SMTNL2: variants seen among roughly 807,000 people sequenced by gnomAD.
The protein encoded by SMTNL2 is smoothelin-like protein 2.
SMTNL2 carries 43 observed loss-of-function variants against 44.1 expected under a neutral mutation model. The observed-to-expected ratio is 0.98, with a 90% CI of 0.76 to 1.26. The LOEUF is 1.26. Among genes scored for constraint, SMTNL2 ranks in the 50% most tolerant of loss-of-function variants. SMTNL2 has a pLI of 0.00. For missense variants in SMTNL2, 646 were observed against 670.2 expected (o/e 0.96, Z 0.40); for synonymous variants, 317 against 287.6 (o/e 1.10, Z -1.03).
In SMTNL2 at chr17:4,598,391, G is replaced by T. The variant is rs1220327660; in HGVS notation, c.1259+1068G>T. ...TCTCTGAAGCTCAGAGAGAAGTAAG[G>T]CCGTCCCCAAAGCCGAGTCTTCTGG... On this transcript the variant is annotated intron_variant, in intron 7 of 7. Coordinates refer to ENST00000389313, the MANE Select transcript of SMTNL2 (RefSeq NM_001114974.2). The surrounding 1 kb of genome is among the most constrained non-coding windows in gnomAD (Gnocchi z 4.8). 2.6e-5 allele frequency among the ~76,000 whole-genome samples: 4 copies of T among 152,146 alleles called. No individual in the cohort carries two copies. Among genetic ancestry groups the T allele is most frequent in the African/African-American group, 9.7e-5 (4 of 41,436 alleles).
intron 5 of SMTNL2, 87 bp from the exon 6 acceptor site, chr17:4,596,773 T>C: frequency 8.3e-7 from 1 of 1,210,614 alleles, no homozygotes; most frequent in Non-Finnish European, 1.1e-6. Context: ...TCCTTGGTGG[T>C]GCCAGGACAG....
rs1909965236 is a variant in SMTNL2, at chr17:4,600,004, T to TCGAGGG, written c.1259+2684_1259+2689dup. Among the ~76,000 whole-genome samples, 1 of 152,084 alleles carries TCGAGGG rather than the reference T, an allele frequency of 6.6e-6. No individual in the cohort carries two copies. Among genetic ancestry groups the TCGAGGG allele is most frequent in the Non-Finnish European group, 1.5e-5 (1 of 67,996 alleles). The stretch of plus-strand genomic sequence containing the variant: ...GATGAGTTCTTGCTTTTCTGCTGAC[T>TCGAGGG]CGAGGGCGTGGGGAGGGGCGTCCAC... On this transcript the variant is annotated intron_variant, in intron 7 of 7. Coordinates refer to ENST00000389313, the MANE Select transcript of SMTNL2 (RefSeq NM_001114974.2). The surrounding 1 kb of genome is among the most constrained non-coding windows in gnomAD (Gnocchi z 4.7).
Position 4,593,114 on chromosome 17 carries a change from G to A in SMTNL2, c.673G>A (p.Gly225Arg), listed in dbSNP as rs1328972841. 6.2e-7 allele frequency: 1 copy of A among 1,613,532 alleles called. No individual in the cohort carries two copies. The highest frequency in any genetic ancestry group is 1.3e-5 in the African/African-American group (1 of 74,926). ...ATCACCCATGTCTGCTGCCACCCTGGGGGGCCTCAACCCAAGCCCCAGCGA... is the reference window on the plus strand; with the variant it reads ...ATCACCCATGTCTGCTGCCACCCTGAGGGGCCTCAACCCAAGCCCCAGCGA... Reference protein sequence around the residue: ...ALSPMSAATLGGLNPSPSEVI... With the variant: ...ALSPMSAATLRGLNPSPSEVI... Residue 225 changes from glycine (G) to arginine (R), a missense_variant, in exon 3 of 8, where the codon GGG becomes AGG. Physicochemically the swap from Gly to Arg is moderately radical, Grantham distance 125. Transcript: ENST00000389313.
upstream of SMTNL2, chr17:4,584,442 C>T: frequency 1.4e-6 from 1 of 699,976 alleles, no homozygotes; most frequent in Non-Finnish European, 2.0e-6. Context: ...GGGGGTGTCC[C>T]GGAGTCGTCC....
At chr17:4,586,537 A>T (rs1043842486) in intron 1 of SMTNL2, among the ~76,000 whole-genome samples, 1 of 144,266 alleles carries the variant, frequency 6.9e-6, no homozygotes, top group South Asian at 2.2e-4. Flanking sequence ...AGAGAGAGAG[A>T]GAGGGAATTC....
Position 4,593,807 on chromosome 17 carries a change from C to G in SMTNL2, c.731-15C>G, listed in dbSNP as rs1472569844. Reference sequence around the variant, plus strand: ...GGGCCAGGGTTTGTTACTTCTCTCCCTCTCTCTTCCACAGAGAAGAATTCC... The same window carrying G: ...GGGCCAGGGTTTGTTACTTCTCTCCGTCTCTCTTCCACAGAGAAGAATTCC... On this transcript the variant is annotated splice_polypyrimidine_tract_variant and intron_variant, in intron 3 of 7. Transcript: ENST00000389313. 1 of 1,612,890 alleles carries G rather than the reference C, an allele frequency of 6.2e-7. No homozygotes were observed. Among genetic ancestry groups the G allele is most frequent in the Non-Finnish European group, 8.5e-7 (1 of 1,179,754 alleles).
At chr17:4,601,809 C>T (rs114839820) in intron 7 of SMTNL2, among the ~76,000 whole-genome samples, 4,227 of 152,056 alleles carry the variant, frequency 0.028, 209 homozygotes, top group African/African-American at 0.097. Context: ...CATGAACCAC[C>T]GCACTTGGCC....
rs147900729 is a variant in SMTNL2, at chr17:4,601,380, A to G, written c.1259+4057A>G. 2.6e-3 allele frequency among the ~76,000 whole-genome samples: 392 copies of G among 150,484 alleles called. 5 individuals are homozygous for G. Among genetic ancestry groups the G allele is most frequent in the African/African-American group, 8.6e-3 (352 of 40,732 alleles). On this transcript the variant is annotated intron_variant, in intron 7 of 7. Coordinates refer to ENST00000389313, the MANE Select transcript of SMTNL2 (RefSeq NM_001114974.2). ...CAGTGAACCCAGATGGTGCCACTGCACTCCAGCCTGGGCAACAGAGTGAGA... is the reference window on the plus strand; with the variant it reads ...CAGTGAACCCAGATGGTGCCACTGCGCTCCAGCCTGGGCAACAGAGTGAGA...
chr17:4,588,439 G>T (rs1401377978), intron 1 of SMTNL2, among the ~76,000 whole-genome samples: 1 of 152,184 alleles, frequency 6.6e-6, no homozygotes, highest in Non-Finnish European at 1.5e-5. Context: ...GGGGTACCAG[G>T]CCAGCTCAAC....
Position 4,592,518 on chromosome 17 carries a change from TG to T in SMTNL2, c.487+71del. ...TTAAGTAAGGCCTTGGTCAGGTATC[TG>T]TGCCAGGCTGGCCCTTGGCCTGGCA... On this transcript the variant is annotated intron_variant, in intron 2 of 7. Transcript: ENST00000389313. This position sits in a 1 kb window ranked among gnomAD's most constrained non-coding sequence, Gnocchi z 4.5. 6.9e-7 allele frequency: 1 copy of T among 1,451,344 alleles called. No homozygotes were observed. The highest frequency in any genetic ancestry group is 9.4e-7 in the Non-Finnish European group (1 of 1,063,338). The allele number at this position is 1,451,344 out of a possible 1,614,324, so 89.9% of individuals were successfully genotyped here.
chr17:4,604,834 GCTAA>G (rs1910202211), intron 7 of SMTNL2, among the ~76,000 whole-genome samples: 2 of 151,852 alleles, frequency 1.3e-5, no homozygotes, highest in Non-Finnish European at 2.9e-5. Flanking sequence ...ACCATGCCTG[GCTAA>G]TTTTGTGTTT....
Position 4,595,421 on chromosome 17 carries a change from G to A in SMTNL2, c.989+94G>A, listed in dbSNP as rs1007409459. The A allele has an allele frequency of 6.7e-7, 1 of 1,489,264 alleles. No individual in the cohort carries two copies. Among genetic ancestry groups the A allele is most frequent in the Non-Finnish European group, 9.0e-7 (1 of 1,108,034 alleles). 92.3% of individuals were successfully genotyped at this position (1,489,264 alleles called of 1,614,324 possible). A position where few individuals can be genotyped will look rare whatever the true frequency, so the allele number is the denominator to read the frequency against. ...GTGCAGCAGGGCAAGGTTCAGCCCT[G>A]TCCTGTTCCCCAGGGCGCTGTTGCC... On this transcript the variant is annotated intron_variant, in intron 5 of 7. Transcript: ENST00000389313. This position sits in a 1 kb window ranked among gnomAD's most constrained non-coding sequence, Gnocchi z 5.1.
Position 4,595,257 on chromosome 17 carries a change from C to A in SMTNL2, c.919C>A (p.Pro307Thr). Residue 307 changes from proline (P) to threonine (T), a missense_variant, in exon 5 of 8, where the codon CCC becomes ACC. Transcript: ENST00000389313. This position sits in a 1 kb window ranked among gnomAD's most constrained non-coding sequence, Gnocchi z 5.1. The stretch of plus-strand genomic sequence containing the variant: ...GGAGCTGGTGAGGTCGCAGACGCTG[C>A]CCCGCACCTCGGAGGCGCAGGCCCG... ...RRELVRSQTL[P>T]RTSEAQARKA... The A allele has an allele frequency of 6.2e-7, 1 of 1,613,262 alleles. No individual in the cohort carries two copies. The highest frequency in any genetic ancestry group is 1.1e-5 in the South Asian group (1 of 91,054).
chr17:4,584,812 G>A lies in SMTNL2; in HGVS notation c.207G>A (p.Arg69=). 5 of 1,325,436 alleles carry A rather than the reference G, an allele frequency of 3.8e-6. No homozygotes were observed. The highest frequency in any genetic ancestry group is 3.8e-6 in the Non-Finnish European group (4 of 1,039,456). The allele number at this position is 1,325,436 out of a possible 1,614,324, so 82.1% of individuals were successfully genotyped here. A position where few individuals can be genotyped will look rare whatever the true frequency, so the allele number is the denominator to read the frequency against. ...TVADLQRDNQ[R]LQAQLERLTR... Reference sequence around the variant, plus strand: ...CCGACCTGCAGCGGGACAACCAGCGGCTGCAGGCGCAGCTCGAGCGCCTGA... The same window carrying A: ...CCGACCTGCAGCGGGACAACCAGCGACTGCAGGCGCAGCTCGAGCGCCTGA... The change falls in exon 1 of 8, where the codon CGG becomes CGA. Residue 69 remains arginine, a synonymous_variant. Transcript: ENST00000389313.
chr17:4,586,537 AGAGGG>A (rs1909354230), intron 1 of SMTNL2, among the ~76,000 whole-genome samples: 1 of 144,266 alleles, frequency 6.9e-6, no homozygotes, highest in African/African-American at 2.7e-5. Flanking sequence ...AGAGAGAGAG[AGAGGG>A]AATTCTCTCC....
intron 1 of SMTNL2, among the ~76,000 whole-genome samples, chr17:4,589,988 A>G (rs890598178): frequency 1.1e-5 from 1 of 94,124 alleles, no homozygotes; most frequent in African/African-American, 4.4e-5. Flanking sequence ...TTTTTTTGAG[A>G]CAGAGTCTCG....
intron 1 of SMTNL2, among the ~76,000 whole-genome samples, chr17:4,591,260 C>T (rs965602291): frequency 6.6e-6 from 1 of 152,226 alleles, no homozygotes; most frequent in African/African-American, 2.4e-5. Context: ...AGGGATGCAA[C>T]ATCATTTGCC....
At chr17:4,585,062 C>T (rs1163161356) in intron 1 of SMTNL2, 58 bp downstream of exon 1, 2 of 1,277,248 alleles carry the variant, frequency 1.6e-6, no homozygotes, top group Middle Eastern at 3.1e-4. Context: ...AACCGGGTGC[C>T]GCCCCTTCGC....
At chr17:4,604,088 G>A (rs760276095) in intron 7 of SMTNL2, among the ~76,000 whole-genome samples, 4 of 152,120 alleles carry the variant, frequency 2.6e-5, no homozygotes, top group Admixed American at 1.3e-4. Flanking sequence ...CAAATGATCT[G>A]CCCACCTCAG....
Sources: allele counts gnomAD v4.1 joint callset (sites outside exome capture counted in the v4.1 genomes callset), GRCh38; gene constraint gnomAD v4.1.1; non-coding constraint Gnocchi (gnomAD v3.1); transcripts MANE v1.5; gene names NCBI Gene and HGNC (gene_info 2026-07-23, HGNC 2026-07-21).